The following COL4A4 variants were observed in gnomAD, a reference collection of about 807,000 sequenced individuals.
COL4A4 encodes collagen type IV alpha 4 chain, also known as collagen alpha-4(IV) chain.
In COL4A4, 105 loss-of-function variants were observed where a neutral mutation model predicts 192.9. That is an observed-to-expected ratio of 0.54 (90% CI 0.46 to 0.64). The LOEUF (loss-of-function observed/expected upper bound fraction) is 0.64, where lower values mean the gene tolerates loss of function less well. Ranked by LOEUF, COL4A4 falls within the 30% of genes least tolerant of loss-of-function variation. The pLI, the probability that COL4A4 is intolerant of heterozygous loss-of-function variation, is 0.00. For missense variants in COL4A4, 1,967 were observed against 2,169.3 expected (o/e 0.91, Z 1.85); for synonymous variants, 762 against 769.9 (o/e 0.99, Z 0.17).
At chr2:227,109,198 G>A (rs201601386) in intron 10 of COL4A4, 26 bp downstream of exon 10, 75 of 1,605,570 alleles carry the variant, frequency 4.7e-5, no homozygotes, top group Non-Finnish European at 5.9e-5. Flanking sequence ...TTTTTAAAGG[G>A]ATCACATCAG....
intron 25 of COL4A4, among the ~76,000 whole-genome samples, chr2:227,065,794 T>C (rs2058295452): frequency 1.3e-5 from 2 of 152,140 alleles, no homozygotes; most frequent in African/African-American, 4.8e-5. Flanking sequence ...GCAGAAAAAC[T>C]GGAAACTCTA....
the COL4A4 span, among the ~76,000 whole-genome samples, chr2:226,972,536 G>A: frequency 6.6e-6 from 1 of 152,208 alleles, no homozygotes; most frequent in Non-Finnish European, 1.5e-5. Flanking sequence ...TCACTAGATG[G>A]CACCAGGGCA....
chr2:227,065,847 C>T (rs926232389), intron 25 of COL4A4, among the ~76,000 whole-genome samples: 1 of 152,222 alleles, frequency 6.6e-6, no homozygotes, highest in Non-Finnish European at 1.5e-5. Flanking sequence ...CGAAGTTCCT[C>T]GCCAGCAATG....
chr2:227,139,253 C>T (rs920300141), intron 4 of COL4A4, among the ~76,000 whole-genome samples: 3 of 152,176 alleles, frequency 2.0e-5, no homozygotes, highest in Non-Finnish European at 2.9e-5. Flanking sequence ...TCTCGTAAGC[C>T]ACCCAGTCTA....
chr2:227,001,054 G>A (rs1475113978), downstream of COL4A4, among the ~76,000 whole-genome samples: 1 of 151,848 alleles, frequency 6.6e-6, no homozygotes, highest in Non-Finnish European at 1.5e-5. Context: ...GCATGAAAAT[G>A]GACTAATACA....
At chr2:226,973,200 ATCT>A in the COL4A4 span, among the ~76,000 whole-genome samples, 1 of 152,206 alleles carries the variant, frequency 6.6e-6, no homozygotes, top group African/African-American at 2.4e-5. Flanking sequence ...TCCTTAAATG[ATCT>A]TCTTCCAAAC....
intron 30 of COL4A4, among the ~76,000 whole-genome samples, chr2:227,055,660 T>C (rs1559510705): frequency 2.0e-5 from 3 of 152,080 alleles, no homozygotes; most frequent in Non-Finnish European, 4.4e-5. Flanking sequence ...CCCTCCAAAA[T>C]GAAAATGCAC....
chr2:226,975,036 T>C, the COL4A4 span, among the ~76,000 whole-genome samples: 1 of 152,156 alleles, frequency 6.6e-6, no homozygotes, highest in East Asian at 1.9e-4. Flanking sequence ...CTGGGACTCT[T>C]AGTGGGTAGC....
Position 227,005,189 on chromosome 2 carries a change from C to G in COL4A4, c.*2136G>C, listed in dbSNP as rs1477641374. Reference sequence around the variant, plus strand: ...GGAGTAAACTGTCTACATAATTTAGCCTGTCTTTGTGTGGGTTTTTTTTTT... The same window carrying G: ...GGAGTAAACTGTCTACATAATTTAGGCTGTCTTTGTGTGGGTTTTTTTTTT... On this transcript the variant is annotated 3_prime_UTR_variant, in exon 48 of 48. Transcript: ENST00000396625. 1 of 147,182 alleles carries G rather than the reference C, an allele frequency of 6.8e-6. No individual in the cohort carries two copies. The highest frequency in any genetic ancestry group is 6.9e-5 in the Admixed American group (1 of 14,390). The allele number at this position is 147,182 out of a possible 1,614,324, so 9.1% of individuals were successfully genotyped here. A position where few individuals can be genotyped will look rare whatever the true frequency, so the allele number is the denominator to read the frequency against.
the COL4A4 span, chr2:226,995,729 T>G: frequency 3.4e-6 from 2 of 585,148 alleles, no homozygotes. Flanking sequence ...CTGGCCTTGT[T>G]CTTGCTCATA....
At chr2:227,053,103 A>G (rs1295079115) in intron 31 of COL4A4, among the ~76,000 whole-genome samples, 2 of 152,002 alleles carry the variant, frequency 1.3e-5, no homozygotes, top group Non-Finnish European at 2.9e-5. Flanking sequence ...TTTAATTTCA[A>G]AGAACTAGTT....
Position 227,144,577 on chromosome 2 carries a change from G to T in COL4A4, c.72-19C>A. ...AAGTGACCTACAGAAAAACAAAAAC[G>T]CAGATTAATTTAAACAGTTTCTTTT... On this transcript the variant is annotated intron_variant, in intron 2 of 47. Coordinates refer to ENST00000396625, the MANE Select transcript of COL4A4 (RefSeq NM_000092.5). 3 of 1,573,318 alleles carry T rather than the reference G, an allele frequency of 1.9e-6. No individual in the cohort carries two copies. The highest frequency in any genetic ancestry group is 1.1e-5 in the South Asian group (1 of 90,140).
intron 28 of COL4A4, 116 bp downstream of exon 28, chr2:227,059,289 T>G (rs759262296): frequency 2.2e-6 from 2 of 899,280 alleles, no homozygotes; most frequent in Admixed American, 3.4e-5. Flanking sequence ...GGAAAACACT[T>G]GGGTAAACTG....
intron 1 of COL4A4, among the ~76,000 whole-genome samples, chr2:227,162,034 G>A (rs1202085215): frequency 1.3e-5 from 2 of 152,182 alleles, no homozygotes; most frequent in East Asian, 3.8e-4. Flanking sequence ...AACTCCCTGA[G>A]GTGGGTATGG....
At chr2:226,968,501 A>G in the COL4A4 span, among the ~76,000 whole-genome samples, 1 of 152,196 alleles carries the variant, frequency 6.6e-6, no homozygotes, top group African/African-American at 2.4e-5. Context: ...AATCTCCCTT[A>G]AAGTCAGCTG....
chr2:227,162,846 G>A (rs546991693), intron 1 of COL4A4, among the ~76,000 whole-genome samples: 1 of 152,312 alleles, frequency 6.6e-6, no homozygotes, highest in East Asian at 1.9e-4. Context: ...AACGATAGTT[G>A]AGAATCACTG....
rs1011146669 is a variant in COL4A4 at position 227,004,660 on chromosome 2, G to A, written c.*2665C>T. ...AGAGGAGGTAGCCATCCAAAGCAGCGATGACTCAGCTTTCAATGTGGGGAG... is the reference window on the plus strand; with the variant it reads ...AGAGGAGGTAGCCATCCAAAGCAGCAATGACTCAGCTTTCAATGTGGGGAG... On this transcript the variant is annotated 3_prime_UTR_variant, in exon 48 of 48. Transcript: ENST00000396625. 4 of 152,218 alleles carry A rather than the reference G, an allele frequency of 2.6e-5. No individual in the cohort carries two copies. The highest frequency in any genetic ancestry group is 2.9e-5 in the Non-Finnish European group (2 of 68,072). The allele number at this position is 152,218 out of a possible 1,614,324, so 9.4% of individuals were successfully genotyped here.
chr2:227,027,812 G>T, intron 42 of COL4A4, 90 bp downstream of exon 42: 1 of 915,426 alleles, frequency 1.1e-6, no homozygotes, highest in Non-Finnish European at 1.8e-6. Flanking sequence ...ATAAGAATGT[G>T]CTAGTAATTC....
At position 227,059,498 on chromosome 2, in the gene COL4A4, A is replaced by G. The variant is rs771592467; in HGVS notation, c.2290T>C (p.Phe764Leu). The change falls in exon 28 of 48, where the codon TTT (phenylalanine) becomes CTT (leucine). Residue 764 changes from phenylalanine (F) to leucine (L), a missense_variant. Phe to Leu is a conservative substitution (Grantham distance 22, BLOSUM62 0). Coordinates refer to ENST00000396625, the MANE Select transcript of COL4A4 (RefSeq NM_000092.5). ...GQKGIPGDPA[F>L]GHLGPPGKRG... ...TTTCCCGGGGGTCCCAGGTGACCAA[A>G]TGCAGGGTCTCCCGGGATTCCTTTC... The G allele has an allele frequency of 6.2e-7, 1 of 1,613,984 alleles. No individual in the cohort carries two copies. The highest frequency in any genetic ancestry group is 8.5e-7 in the Non-Finnish European group (1 of 1,179,954).
Sources: allele counts gnomAD v4.1 joint callset (sites outside exome capture counted in the v4.1 genomes callset), GRCh38; gene constraint gnomAD v4.1.1; transcripts MANE v1.5; gene names NCBI Gene and HGNC (gene_info 2026-07-23, HGNC 2026-07-21).